The following METTL14 variants were observed in gnomAD, a reference collection of about 807,000 sequenced individuals.
METTL14 encodes the protein N(6)-adenosine-methyltransferase non-catalytic subunit METTL14.
A neutral mutation model predicts 62.4 loss-of-function variants in METTL14; 32 were observed. The observed-to-expected ratio is 0.51, with a 90% CI of 0.39 to 0.69. The LOEUF (loss-of-function observed/expected upper bound fraction) is 0.69, where lower values mean the gene tolerates loss of function less well. METTL14 is among the 30% of genes least tolerant of loss of function. The pLI is 0.00. For missense variants in METTL14, 340 were observed against 551.9 expected (o/e 0.62, Z 3.85); for synonymous variants, 150 against 180.0 (o/e 0.83, Z 1.34).
intron 5 of METTL14, among the ~76,000 whole-genome samples, chr4:118,692,771 T>G (rs1356323754): frequency 6.6e-6 from 1 of 152,138 alleles, no homozygotes; most frequent in South Asian, 2.1e-4. Flanking sequence ...ACTAGAACAT[T>G]TGCATCTCCC....
At chr4:118,692,981 G>A (rs1273257930) in intron 5 of METTL14, among the ~76,000 whole-genome samples, 2 of 152,180 alleles carry the variant, frequency 1.3e-5, no homozygotes, top group African/African-American at 4.8e-5. Context: ...AAGGGTCATC[G>A]ATGTTGAAGC....
chr4:118,706,911 A>G (rs1272513398), intron 10 of METTL14, among the ~76,000 whole-genome samples: 2 of 152,020 alleles, frequency 1.3e-5, no homozygotes, highest in Admixed American at 6.6e-5. Flanking sequence ...TCTTTGGCCC[A>G]TTTTTTATTT....
chr4:118,710,584 C>T lies in METTL14; in HGVS notation c.*282C>T, dbSNP rs1724891436. ...AGACTGAATTTATTCTGATAGACTT[C>T]AGCTAATTACAAAGGATTTTGCTAA... On this transcript the variant is annotated 3_prime_UTR_variant, in exon 11 of 11. Coordinates refer to ENST00000388822, the MANE Select transcript of METTL14 (RefSeq NM_020961.4). 3.6e-6 allele frequency: 1 copy of T among 280,274 alleles called. No individual in the cohort carries two copies. Among genetic ancestry groups the T allele is most frequent in the South Asian group, 8.8e-5 (1 of 11,340 alleles). 17.4% of individuals were successfully genotyped at this position (280,274 alleles called of 1,614,324 possible).
intron 1 of METTL14, among the ~76,000 whole-genome samples, chr4:118,687,162 C>G (rs944685343): frequency 6.6e-6 from 1 of 152,206 alleles, no homozygotes; most frequent in Non-Finnish European, 1.5e-5. Flanking sequence ...TTGAATATCT[C>G]TTATCTGAAA....
chr4:118,693,355 AAG>A (rs1220567719), intron 5 of METTL14, among the ~76,000 whole-genome samples: 1 of 152,118 alleles, frequency 6.6e-6, no homozygotes, highest in African/African-American at 2.4e-5. Context: ...ATTGAATAAC[AAG>A]AGTCTTTTAT....
intron 2 of METTL14, 50 bp downstream of exon 2, chr4:118,688,061 C>G: frequency 7.0e-7 from 1 of 1,431,530 alleles, no homozygotes; most frequent in Non-Finnish European, 9.7e-7. Flanking sequence ...GGGTTTCACT[C>G]TGTTGCTTAG....
At chr4:118,705,539 C>A in intron 9 of METTL14, 72 bp from the exon 10 acceptor site, 2 of 1,147,852 alleles carry the variant, frequency 1.7e-6, no homozygotes, top group Non-Finnish European at 1.3e-6. Flanking sequence ...GAATTGAGGA[C>A]ATCAGAAATG....
rs563829195 is a variant in METTL14 at position 118,692,602 on chromosome 4, AT to A, written c.412+541del. 3.9e-3 allele frequency among the ~76,000 whole-genome samples: 591 copies of A among 151,760 alleles called. 4 individuals are homozygous for A. Among genetic ancestry groups the A allele is most frequent in the African/African-American group, 0.014 (560 of 41,358 alleles). On this transcript the variant is annotated intron_variant, in intron 5 of 10. Transcript: ENST00000388822. ...TTCTTTTTCTATAATCGATATTACT[AT>A]TTTTTTGTTTGTTTCTTTTTGGCTC...
Position 118,704,057 on chromosome 4 carries a change from G to A in METTL14, c.855+6G>A. The A allele has an allele frequency of 6.7e-7, 1 of 1,492,556 alleles. No individual in the cohort carries two copies. The highest frequency in any genetic ancestry group is 2.3e-5 in the East Asian group (1 of 43,400). The allele number at this position is 1,492,556 out of a possible 1,614,324, so 92.5% of individuals were successfully genotyped here. On this transcript the variant is annotated splice_donor_region_variant and intron_variant, in intron 9 of 10. Transcript: ENST00000388822. ...CTGTCTTTCAGAGAACAAAGGTATT[G>A]CCTTTACTGATTTGTTTTTTTTAAT...
chr4:118,714,615 G>C lies in METTL14; in HGVS notation c.*4313G>C, dbSNP rs1725004769. 1.3e-5 allele frequency: 2 copies of C among 152,126 alleles called. No homozygotes were observed. Among genetic ancestry groups the C allele is most frequent in the African/African-American group, 4.8e-5 (2 of 41,436 alleles). The allele number at this position is 152,126 out of a possible 1,614,324, so 9.4% of individuals were successfully genotyped here. On this transcript the variant is annotated 3_prime_UTR_variant, in exon 11 of 11. Transcript: ENST00000388822. ...TTTTTTATTTTTATTTTTTGAGACA[G>C]AGTCTCTGTTACCCAGGCTGGGGGG...
chr4:118,700,533 GT>G lies in METTL14; in HGVS notation c.646-13del. ...AAACAAAATACTTTTATGCAATATC[GT>G]TTTGATTTCTTACAGATTATGAAGT... On this transcript the variant is annotated splice_polypyrimidine_tract_variant and intron_variant, in intron 7 of 10. Coordinates refer to ENST00000388822, the MANE Select transcript of METTL14 (RefSeq NM_020961.4). 6.3e-7 allele frequency: 1 copy of G among 1,590,540 alleles called. No homozygotes were observed. The highest frequency in any genetic ancestry group is 8.6e-7 in the Non-Finnish European group (1 of 1,161,366).
rs760341846 is a variant in METTL14, at chr4:118,685,562, G to A, written c.28G>A (p.Glu10Lys). ...GGATAGCCGCTTGCAGGAGATCCGG[G>A]AGCGGCAGAAGTTACGGCGACAGCT... MDSRLQEIR[E>K]RQKLRRQLLA... The change falls in exon 1 of 11, where the codon GAG (glutamate) becomes AAG (lysine). Residue 10 changes from glutamate to lysine, a missense_variant. Physicochemically the swap from Glu to Lys is moderately conservative, Grantham distance 56 (BLOSUM62 1). Coordinates refer to ENST00000388822, the MANE Select transcript of METTL14 (RefSeq NM_020961.4). 8 of 1,614,114 alleles carry A rather than the reference G, an allele frequency of 5.0e-6. No individual in the cohort carries two copies. In the South Asian group the frequency reaches 8.8e-5, roughly 18 times the overall value.
At chr4:118,702,116 A>ATG (rs1724610565) in intron 8 of METTL14, among the ~76,000 whole-genome samples, 2 of 139,424 alleles carry the variant, frequency 1.4e-5, no homozygotes, top group African/African-American at 5.2e-5. Flanking sequence ...GAAGGTTTTT[A>ATG]TCTTTTTTTT....
chr4:118,689,531 C>G lies in METTL14; in HGVS notation c.243+74C>G, dbSNP rs973638928. 4 of 797,922 alleles carry G rather than the reference C, an allele frequency of 5.0e-6. No individual in the cohort carries two copies. The African/African-American group carries it at 7.1e-5, about 14-fold the overall frequency. 49.4% of individuals were successfully genotyped at this position (797,922 alleles called of 1,614,324 possible). A position where few individuals can be genotyped will look rare whatever the true frequency, so the allele number is the denominator to read the frequency against. On this transcript the variant is annotated intron_variant, in intron 3 of 10. Transcript: ENST00000388822. ...AATGATAGATTCATATCCAGGAAAA[C>G]AAATTTGATGGAAAGCCTAATTTTA...
chr4:118,714,130 TAATA>T lies in METTL14; in HGVS notation c.*3829_*3832del, dbSNP rs1398050132. 4 of 151,596 alleles carry T rather than the reference TAATA, an allele frequency of 2.6e-5. No individual in the cohort carries two copies. The highest frequency in any genetic ancestry group is 1.3e-4 in the Admixed American group (2 of 15,256). The allele number at this position is 151,596 out of a possible 1,614,324, so 9.4% of individuals were successfully genotyped here. A position where few individuals can be genotyped will look rare whatever the true frequency, so the allele number is the denominator to read the frequency against. ...GTAAAATGCATATGGGACTCTATAT[TAATA>T]GAGAAGCAGGCCAAGAACTTTTTAA... On this transcript the variant is annotated 3_prime_UTR_variant, in exon 11 of 11. Coordinates refer to ENST00000388822, the MANE Select transcript of METTL14 (RefSeq NM_020961.4).
In METTL14 at chr4:118,711,800, C is replaced by T. The variant is rs1251476710; in HGVS notation, c.*1498C>T. The T allele has an allele frequency of 6.6e-6, 1 of 151,992 alleles. No homozygotes were observed. The highest frequency in any genetic ancestry group is 1.9e-4 in the East Asian group (1 of 5,184). The allele number at this position is 151,992 out of a possible 1,614,324, so 9.4% of individuals were successfully genotyped here. ...TTAGAACTCTATATGTCAGCATTGA[C>T]CTGGGAATGAAGTCAGGATAGAGAA... On this transcript the variant is annotated 3_prime_UTR_variant, in exon 11 of 11. Coordinates refer to ENST00000388822, the MANE Select transcript of METTL14 (RefSeq NM_020961.4).
chr4:118,685,426 GT>G lies in METTL14; in HGVS notation c.-107del. On this transcript the variant is annotated 5_prime_UTR_variant, in exon 1 of 11. The change abolishes the stop of an existing upstream ORF in the 5' untranslated region. Transcript: ENST00000388822. Reference sequence around the variant, plus strand: ...CTGAGGAAAGCTATGAGGATACTCTGTTCGTAAGCTCCCGGTGAATTTTGTT... The same window carrying G: ...CTGAGGAAAGCTATGAGGATACTCTGTCGTAAGCTCCCGGTGAATTTTGTT... 3 of 1,126,254 alleles carry G rather than the reference GT, an allele frequency of 2.7e-6. No homozygotes were observed. The highest frequency in any genetic ancestry group is 2.4e-5 in the East Asian group (1 of 41,436). 69.8% of individuals were successfully genotyped at this position (1,126,254 alleles called of 1,614,324 possible). A position where few individuals can be genotyped will look rare whatever the true frequency, so the allele number is the denominator to read the frequency against.
At chr4:118,690,127 G>A (rs897205606) in intron 3 of METTL14, among the ~76,000 whole-genome samples, 5 of 130,962 alleles carry the variant, frequency 3.8e-5, no homozygotes, top group Admixed American at 2.0e-4. Context: ...TGCAACTTCC[G>A]CCTCCTGGTT....
At chr4:118,706,967 T>G (rs1724773708) in intron 10 of METTL14, among the ~76,000 whole-genome samples, 1 of 152,238 alleles carries the variant, frequency 6.6e-6, no homozygotes, top group Admixed American at 6.5e-5. Context: ...TACTTGTATA[T>G]TTTGGAGAAT....
Sources: allele counts gnomAD v4.1 joint callset (sites outside exome capture counted in the v4.1 genomes callset), GRCh38; gene constraint gnomAD v4.1.1; transcripts MANE v1.5; gene names NCBI Gene and HGNC (gene_info 2026-07-23, HGNC 2026-07-21).